The following KCNQ4 variants were observed in gnomAD, a reference collection of about 807,000 sequenced individuals.
KCNQ4 encodes the protein potassium voltage-gated channel subfamily Q member 4.
In KCNQ4, 31 loss-of-function variants were observed where a neutral mutation model predicts 72.6. That is an observed-to-expected ratio of 0.43 (90% CI 0.32 to 0.58). KCNQ4 has a LOEUF of 0.58. Among genes scored for constraint, KCNQ4 ranks in the 20% least tolerant of loss-of-function variants. KCNQ4 has a pLI of 0.08. For missense variants in KCNQ4, 869 were observed against 962.6 expected (o/e 0.90, Z 1.29); for synonymous variants, 405 against 403.7 (o/e 1.00, Z -0.04).
chr1:40,816,758 T>G (rs1447988224), intron 1 of KCNQ4, among the ~76,000 whole-genome samples: 1 of 152,192 alleles, frequency 6.6e-6, no homozygotes, highest in African/African-American at 2.4e-5. Flanking sequence ...GTTACTTAAT[T>G]CCACGAAGGC....
At chr1:40,789,170 C>T (rs567369017) in intron 1 of KCNQ4, among the ~76,000 whole-genome samples, 6 of 152,180 alleles carry the variant, frequency 3.9e-5, no homozygotes, top group Non-Finnish European at 7.4e-5. Flanking sequence ...TGGCTGGCCT[C>T]GTAGAACTTC....
rs1221362623 is a variant in KCNQ4, at chr1:40,838,519, A to G, written c.2084A>G (p.Asp695Gly). ...SISRSVSTNM[D>G] is the part of the protein sequence containing the mutation. Reference sequence around the variant, plus strand: ...TCCCGCTCGGTCAGCACCAACATGGACTGAGGGACTTCTCAGAGGCAGGGC... The same window carrying G: ...TCCCGCTCGGTCAGCACCAACATGGGCTGAGGGACTTCTCAGAGGCAGGGC... The change falls in exon 14 of 14, where the codon GAC becomes GGC. Residue 695 changes from aspartate to glycine, a missense_variant. Coordinates refer to ENST00000347132, the MANE Select transcript of KCNQ4 (RefSeq NM_004700.4). 1 of 1,613,966 alleles carries G rather than the reference A, an allele frequency of 6.2e-7. No individual in the cohort carries two copies. The highest frequency in any genetic ancestry group is 1.1e-5 in the South Asian group (1 of 91,086).
intron 1 of KCNQ4, among the ~76,000 whole-genome samples, chr1:40,808,759 C>T (rs1272120609): frequency 6.6e-6 from 1 of 152,112 alleles, no homozygotes; most frequent in Non-Finnish European, 1.5e-5. Flanking sequence ...ACTACTCACT[C>T]TGTCTCCCCG....
In KCNQ4 at chr1:40,817,348, T is replaced by A. The variant is rs1330941518; in HGVS notation, c.398T>A (p.Leu133His). Reference sequence around the variant, plus strand: ...CAGGAACTTGCCAACGAGTGTCTCCTCATCTTGGTAAGTGCTGGGAGTCCG... The same window carrying A: ...CAGGAACTTGCCAACGAGTGTCTCCACATCTTGGTAAGTGCTGGGAGTCCG... ...EHQELANECL[L>H]ILEFVMIVVF... The change falls in exon 2 of 14, where the codon CTC becomes CAC. Residue 133 changes from leucine to histidine, a missense_variant. Physicochemically the swap from Leu to His is moderately conservative, Grantham distance 99 (BLOSUM62 -3). Around this residue, in one of 5 missense-constraint regions of KCNQ4, gnomAD observed 179 missense variants for 243.0 expected, o/e 0.74. Transcript: ENST00000347132. This position sits in a 1 kb window ranked among gnomAD's most constrained non-coding sequence, Gnocchi z 5.5. The A allele has an allele frequency of 1.9e-6, 3 of 1,613,186 alleles. No homozygotes were observed. The highest frequency in any genetic ancestry group is 2.5e-6 in the Non-Finnish European group (3 of 1,179,520).
Position 40,833,021 on chromosome 1 carries a change from C to T in KCNQ4, c.1521C>T (p.Pro507=). The T allele has an allele frequency of 1.9e-6, 3 of 1,613,458 alleles. No individual in the cohort carries two copies. The highest frequency in any genetic ancestry group is 2.5e-6 in the Non-Finnish European group (3 of 1,179,788). Residue 507 remains proline (P), a synonymous_variant, in exon 11 of 14, where the codon CCC becomes CCT. Transcript: ENST00000347132. ...LKPRTSAEDA[P]SEEVAEEKSY... ...CCATACCTGCCTTTTCAGATGCCCC[C>T]TCAGAGGAAGTAGCAGAGGAGAAGA...
chr1:40,830,761 C>G (rs544760708), intron 9 of KCNQ4, among the ~76,000 whole-genome samples: 1 of 152,248 alleles, frequency 6.6e-6, no homozygotes. Flanking sequence ...CTCCCACATC[C>G]TCCTGTCTGT....
At chr1:40,819,255 G>T (rs886279044) in intron 4 of KCNQ4, 92 bp from the exon 5 acceptor site, 1 of 1,482,062 alleles carries the variant, frequency 6.7e-7, no homozygotes, top group South Asian at 1.1e-5. Flanking sequence ...TCCGGGAGAT[G>T]GGGGACCTTT....
chr1:40,797,682 C>A (rs61781890), intron 1 of KCNQ4, among the ~76,000 whole-genome samples: 3,712 of 152,228 alleles, frequency 0.024, 67 homozygotes, highest in Non-Finnish European at 0.039. Context: ...AACTTGTCCC[C>A]CTTTTTCCTT....
At chr1:40,790,694 C>T (rs1313568616) in intron 1 of KCNQ4, among the ~76,000 whole-genome samples, 1 of 152,176 alleles carries the variant, frequency 6.6e-6, no homozygotes, top group Non-Finnish European at 1.5e-5. Context: ...TTTGTTTCTT[C>T]CTTCATCTGG....
chr1:40,834,776 C>T (rs1648761097), intron 11 of KCNQ4, among the ~76,000 whole-genome samples, 191 bp from the exon 12 acceptor site: 1 of 152,092 alleles, frequency 6.6e-6, no homozygotes, highest in African/African-American at 2.4e-5. Flanking sequence ...TTGATTAACC[C>T]CTTTCCATCT....
intron 9 of KCNQ4, 35 bp downstream of exon 9, chr1:40,824,293 T>G (rs1174996610): frequency 6.3e-7 from 1 of 1,591,312 alleles, no homozygotes. Context: ...CTCCTCTTGC[T>G]TCTCCTCCTC....
intron 9 of KCNQ4, among the ~76,000 whole-genome samples, chr1:40,828,097 G>A (rs1648537079): frequency 1.3e-5 from 2 of 152,208 alleles, no homozygotes; most frequent in Non-Finnish European, 2.9e-5. Context: ...AAGAGGGGCT[G>A]TATGTGGCTT....
Position 40,833,020 on chromosome 1 carries a change from C to G in KCNQ4, c.1520C>G (p.Pro507Arg). The change falls in exon 11 of 14, where the codon CCC becomes CGC. Residue 507 changes from proline to arginine, a missense_variant. Physicochemically the swap from Pro to Arg is moderately radical, Grantham distance 103 (BLOSUM62 -2). Coordinates refer to ENST00000347132, the MANE Select transcript of KCNQ4 (RefSeq NM_004700.4). ...LKPRTSAEDAPSEEVAEEKSY... is the reference protein window; with the variant it reads ...LKPRTSAEDARSEEVAEEKSY... ...CCCATACCTGCCTTTTCAGATGCCC[C>G]CTCAGAGGAAGTAGCAGAGGAGAAG... is the stretch of plus-strand genomic sequence containing the variant. 1.2e-6 allele frequency: 2 copies of G among 1,613,384 alleles called. No homozygotes were observed. Among genetic ancestry groups the G allele is most frequent in the Non-Finnish European group, 1.7e-6 (2 of 1,179,756 alleles).
intron 4 of KCNQ4, 49 bp downstream of exon 4, chr1:40,818,729 C>G (rs781511825): frequency 1.3e-6 from 2 of 1,546,806 alleles, no homozygotes; most frequent in Non-Finnish European, 1.7e-6. Flanking sequence ...GTCTGGGGCA[C>G]GACCAGAGCG....
chr1:40,824,295 C>T (rs374578712), intron 9 of KCNQ4, 37 bp downstream of exon 9: 260 of 1,588,270 alleles, frequency 1.6e-4, no homozygotes, highest in Admixed American at 5.1e-5. Context: ...CCTCTTGCTT[C>T]TCCTCCTCTT....
At chr1:40,810,471 T>C (rs1647903028) in intron 1 of KCNQ4, among the ~76,000 whole-genome samples, 1 of 152,202 alleles carries the variant, frequency 6.6e-6, no homozygotes, top group African/African-American at 2.4e-5. Context: ...GGTTTTACAA[T>C]AAACCTGGCT....
rs529383764 is a variant in KCNQ4, at chr1:40,824,792, GT to G, written c.1292+535del. 7.1e-4 allele frequency among the ~76,000 whole-genome samples: 108 copies of G among 152,320 alleles called. 1 individual carries two copies. Among genetic ancestry groups the G allele is most frequent in the African/African-American group, 2.5e-3 (104 of 41,568 alleles). On this transcript the variant is annotated intron_variant, in intron 9 of 13. Coordinates refer to ENST00000347132, the MANE Select transcript of KCNQ4 (RefSeq NM_004700.4). ...AGAGAGCTCTGTGATTAAGACCTCT[GT>G]AGGACCTGCGTAAACTCAGCCAGTG...
rs182318654 is a variant in KCNQ4 at position 40,814,026 on chromosome 1, C to T, written c.315-3239C>T. Among the ~76,000 whole-genome samples the T allele has an allele frequency of 5.6e-3, 766 of 135,810 alleles. 4 individuals carry two copies. Among genetic ancestry groups the T allele is most frequent in the Middle Eastern group, 8.0e-3 (2 of 250 alleles). The allele number at this position is 135,810 out of a possible 152,430, so 89.1% of individuals were successfully genotyped here. ...CCTCCCAAAGTACTGGGATTACAGG[C>T]GTGAGCCACTGCGCCCGGCCTTTTT... is the stretch of plus-strand genomic sequence containing the variant. On this transcript the variant is annotated intron_variant, in intron 1 of 13. Coordinates refer to ENST00000347132, the MANE Select transcript of KCNQ4 (RefSeq NM_004700.4).
chr1:40,813,830 C>G (rs1262579728), intron 1 of KCNQ4, among the ~76,000 whole-genome samples: 1 of 152,116 alleles, frequency 6.6e-6, no homozygotes, highest in Non-Finnish European at 1.5e-5. Context: ...TCACTGCAAG[C>G]TCTGCCTCCT....
Sources: allele counts gnomAD v4.1 joint callset (sites outside exome capture counted in the v4.1 genomes callset), GRCh38; gene constraint gnomAD v4.1.1; regional missense constraint gnomAD v4.1.1; non-coding constraint Gnocchi (gnomAD v3.1); transcripts MANE v1.5; gene names NCBI Gene and HGNC (gene_info 2026-07-23, HGNC 2026-07-21).